Variants in DDHD1 observed in about 807,000 individuals in gnomAD.
The protein encoded by DDHD1 is phospholipase DDHD1.
DDHD1 carries 49 observed loss-of-function variants against 96.4 expected under a neutral mutation model. The observed-to-expected ratio is 0.51, with a 90% CI of 0.40 to 0.64. DDHD1 has a LOEUF of 0.64. Among genes scored for constraint, DDHD1 ranks in the 30% least tolerant of loss-of-function variants. The pLI, the probability that DDHD1 is intolerant of heterozygous loss-of-function variation, is 0.00. For missense variants in DDHD1, 1,106 were observed against 1,161.2 expected (o/e 0.95, Z 0.69); for synonymous variants, 442 against 446.5 (o/e 0.99, Z 0.13).
chr14:53,148,525 C>A (rs937048083), intron 1 of DDHD1, among the ~76,000 whole-genome samples: 1 of 152,004 alleles, frequency 6.6e-6, no homozygotes, highest in African/African-American at 2.4e-5. Context: ...GTTGGCCAGG[C>A]TGGTCTCGAA....
At chr14:53,064,004 T>C (rs180720919) in intron 6 of DDHD1, among the ~76,000 whole-genome samples, 9 of 152,228 alleles carry the variant, frequency 5.9e-5, no homozygotes, top group Non-Finnish European at 1.0e-4. Context: ...TAAGGCAGTC[T>C]TCTTTCTTCC....
chr14:53,110,153 A>G (rs1195869334), intron 1 of DDHD1, among the ~76,000 whole-genome samples: 3 of 152,244 alleles, frequency 2.0e-5, no homozygotes, highest in Non-Finnish European at 4.4e-5. Context: ...ACAACTGGAC[A>G]CTAAATGCTG....
At chr14:53,135,310 C>T (rs372702835) in intron 1 of DDHD1, among the ~76,000 whole-genome samples, 1 of 152,204 alleles carries the variant, frequency 6.6e-6, no homozygotes, top group East Asian at 1.9e-4. Context: ...TGATAATGCA[C>T]TTTGTGATAT....
intron 6 of DDHD1, among the ~76,000 whole-genome samples, chr14:53,066,274 C>T (rs1381826129): frequency 6.6e-6 from 1 of 152,100 alleles, no homozygotes; most frequent in African/African-American, 2.4e-5. Flanking sequence ...GCCTCAGCCT[C>T]CTGAGTAGCT....
chr14:53,088,769 G>A (rs1355188696), intron 4 of DDHD1, among the ~76,000 whole-genome samples: 1 of 152,184 alleles, frequency 6.6e-6, no homozygotes, highest in Non-Finnish European at 1.5e-5. Context: ...ACAACACAGG[G>A]ATGCCCTCTC....
chr14:53,058,985 C>T (rs1883301140), intron 8 of DDHD1, among the ~76,000 whole-genome samples: 1 of 152,234 alleles, frequency 6.6e-6, no homozygotes, highest in East Asian at 1.9e-4. Context: ...AGCTTCTGCA[C>T]TCAAAATTTA....
chr14:53,153,188 C>T lies in DDHD1; in HGVS notation c.-90G>A, dbSNP rs1208528229. Reference sequence around the variant, plus strand: ...ACATTCAACGCCGCCGCCCTCTCCACCCGAAGTTTCTAATCTTTCAAATCC... The same window carrying T: ...ACATTCAACGCCGCCGCCCTCTCCATCCGAAGTTTCTAATCTTTCAAATCC... On this transcript the variant is annotated 5_prime_UTR_variant, in exon 1 of 13. In the 5' UTR this introduces an upstream ATG that the reference lacks. Coordinates refer to ENST00000673822, the MANE Select transcript of DDHD1 (RefSeq NM_001160148.2). 4.3e-6 allele frequency: 5 copies of T among 1,155,052 alleles called. No individual in the cohort carries two copies. The African/African-American group carries it at 6.6e-5, about 15-fold the overall frequency. The allele number at this position is 1,155,052 out of a possible 1,614,324, so 71.6% of individuals were successfully genotyped here.
rs1362482966 is a variant in DDHD1, at chr14:53,042,771, G to C, written c.*3997C>G. ...TAGAAAACTTTAGAATAGCTACAGA[G>C]GTCAACTAACCCAAACATAGTTTAG... On this transcript the variant is annotated 3_prime_UTR_variant, in exon 13 of 13. Coordinates refer to ENST00000673822, the MANE Select transcript of DDHD1 (RefSeq NM_001160148.2). 1 of 152,152 alleles carries C rather than the reference G, an allele frequency of 6.6e-6. No homozygotes were observed. Among genetic ancestry groups the C allele is most frequent in the African/African-American group, 2.4e-5 (1 of 41,426 alleles). The allele number at this position is 152,152 out of a possible 1,614,324, so 9.4% of individuals were successfully genotyped here. A position where few individuals can be genotyped will look rare whatever the true frequency, so the allele number is the denominator to read the frequency against.
intron 1 of DDHD1, among the ~76,000 whole-genome samples, chr14:53,111,698 T>C (rs143429078): frequency 6.6e-6 from 1 of 152,334 alleles, no homozygotes; most frequent in Non-Finnish European, 1.5e-5. Flanking sequence ...ATGCTTGATA[T>C]GTAATATACA....
rs774559023 is a variant in DDHD1 at position 53,152,834 on chromosome 14, A to G, written c.265T>C (p.Tyr89His). Residue 89 changes from tyrosine to histidine, a missense_variant, in exon 1 of 13, where the codon TAT (tyrosine) becomes CAT (histidine). Physicochemically the swap from Tyr to His is moderately conservative, Grantham distance 83 (BLOSUM62 2). Coordinates refer to ENST00000673822, the MANE Select transcript of DDHD1 (RefSeq NM_001160148.2). ...ALDPCLSDEN[Y>H]DFSSAESGSS... The stretch of plus-strand genomic sequence containing the variant: ...CCCGACTCGGCGGAGCTGAAGTCAT[A>G]GTTCTCGTCACTGAGGCAGGGGTCC... 6.2e-7 allele frequency: 1 copy of G among 1,611,706 alleles called. No homozygotes were observed. The highest frequency in any genetic ancestry group is 2.2e-5 in the East Asian group (1 of 44,652).
At chr14:53,073,983 C>T in intron 4 of DDHD1, 136 bp from the exon 5 acceptor site, 1 of 683,872 alleles carries the variant, frequency 1.5e-6, no homozygotes, top group South Asian at 2.3e-5. Flanking sequence ...ATTCCAGTGA[C>T]TACCACACTA....
intron 4 of DDHD1, among the ~76,000 whole-genome samples, chr14:53,075,329 C>T (rs1884863999): frequency 6.6e-6 from 1 of 152,028 alleles, no homozygotes; most frequent in African/African-American, 2.4e-5. Flanking sequence ...AATGAAAAAG[C>T]CTTATTGTTG....
chr14:53,110,428 G>C (rs1034251049), intron 1 of DDHD1, among the ~76,000 whole-genome samples: 9 of 152,302 alleles, frequency 5.9e-5, no homozygotes, highest in Admixed American at 5.9e-4. Flanking sequence ...TGTTGTGCTG[G>C]TTCTTACTTC....
chr14:53,151,630 G>A lies in DDHD1; in HGVS notation c.838+631C>T, dbSNP rs916363006. ...AGGCATAGAAATGGTAATTTTTCAA[G>A]GTTAAGATGCAAACACAAAAATATG... On this transcript the variant is annotated intron_variant, in intron 1 of 12. Transcript: ENST00000673822. Among the ~76,000 whole-genome samples the A allele has an allele frequency of 2.6e-5, 4 of 152,166 alleles. 1 individual carries two copies. Among genetic ancestry groups the A allele is most frequent in the Admixed American group, 1.3e-4 (2 of 15,280 alleles).
intron 6 of DDHD1, among the ~76,000 whole-genome samples, chr14:53,068,209 G>C (rs1245162898): frequency 6.8e-6 from 1 of 146,178 alleles, no homozygotes; most frequent in Non-Finnish European, 1.5e-5. Context: ...CTTTGATCAG[G>C]AACATTTTCC....
Position 53,152,306 on chromosome 14 carries a change from C to T in DDHD1, c.793G>A (p.Glu265Lys). ...EPVCVRGGLY[E>K]VDVTQGECYP... ...CACTCTCCTTGGGTCACATCCACCT[C>T]GTAGAGGCCGCCCCGCACGCACACA... is the stretch of plus-strand genomic sequence containing the variant. The change falls in exon 1 of 13, where the codon GAG becomes AAG. Residue 265 changes from glutamate (E) to lysine (K), a missense_variant. Around this residue, in one of 2 missense-constraint regions of DDHD1, gnomAD observed 456 missense variants for 402.4 expected, o/e 1.13. Transcript: ENST00000673822. The T allele has an allele frequency of 6.2e-7, 1 of 1,613,720 alleles. No homozygotes were observed. Among genetic ancestry groups the T allele is most frequent in the Non-Finnish European group, 8.5e-7 (1 of 1,179,782 alleles).
At chr14:53,055,411 A>T (rs1257925123) in intron 10 of DDHD1, among the ~76,000 whole-genome samples, 1 of 152,226 alleles carries the variant, frequency 6.6e-6, no homozygotes, top group East Asian at 1.9e-4. Flanking sequence ...AAAATGAGGG[A>T]CTTGATTCTC....
At position 53,037,466 on chromosome 14, in the gene DDHD1, T is replaced by G. The variant is rs749526411; in HGVS notation, c.*9302A>C. Reference sequence around the variant, plus strand: ...TTCTAACTGGTGTGAGATGGTATCTTATTGTGGTTTTGATTTGCATTTCTC... The same window carrying G: ...TTCTAACTGGTGTGAGATGGTATCTGATTGTGGTTTTGATTTGCATTTCTC... On this transcript the variant is annotated 3_prime_UTR_variant, in exon 13 of 13. Transcript: ENST00000673822. 1 of 152,084 alleles carries G rather than the reference T, an allele frequency of 6.6e-6. No homozygotes were observed. Among genetic ancestry groups the G allele is most frequent in the Non-Finnish European group, 1.5e-5 (1 of 67,954 alleles). The allele number at this position is 152,084 out of a possible 1,614,324, so 9.4% of individuals were successfully genotyped here.
chr14:53,097,823 G>A (rs1281274655), intron 2 of DDHD1, among the ~76,000 whole-genome samples: 1 of 151,664 alleles, frequency 6.6e-6, no homozygotes, highest in Non-Finnish European at 1.5e-5. Flanking sequence ...TATAATTTAA[G>A]GATTAATAAA....
Sources: allele counts gnomAD v4.1 joint callset (sites outside exome capture counted in the v4.1 genomes callset), GRCh38; gene constraint gnomAD v4.1.1; regional missense constraint gnomAD v4.1.1; transcripts MANE v1.5; gene names NCBI Gene and HGNC (gene_info 2026-07-23, HGNC 2026-07-21).